Variants in CYFIP2 observed in about 807,000 individuals in gnomAD.
The protein encoded by CYFIP2 is cytoplasmic FMR1-interacting protein 2.
In CYFIP2, 29 loss-of-function variants were observed where a neutral mutation model predicts 158.7. The observed-to-expected ratio is 0.18, with a 90% CI of 0.14 to 0.25. CYFIP2 has a LOEUF of 0.25. CYFIP2 is among the 10% of genes least tolerant of loss of function. The probability of loss-of-function intolerance (pLI) is 1.00; values close to 1 mark genes in which losing one functional copy is unlikely to be tolerated. For missense variants in CYFIP2, 852 were observed against 1,639.5 expected, an observed-to-expected ratio of 0.52 and a Z score of 8.29; for synonymous variants, 585 against 617.6, an observed-to-expected ratio of 0.95 and a Z score of 0.78.
Position 157,307,868 on chromosome 5 carries a change from C to A in CYFIP2, c.900+3C>A, listed in dbSNP as rs1319394663. ...GCAAAATTGATAAATTCTTTAAGGT[C>A]AGCAACTGGGGCTGGGGCTGGGCAG... On this transcript the variant is annotated splice_donor_region_variant and intron_variant, in intron 9 of 30. Coordinates refer to ENST00000620254, the MANE Select transcript of CYFIP2 (RefSeq NM_001037333.3). 6.4e-7 allele frequency: 1 copy of A among 1,555,774 alleles called. No homozygotes were observed. Among genetic ancestry groups the A allele is most frequent in the Non-Finnish European group, 8.8e-7 (1 of 1,135,298 alleles).
chr5:157,364,998 T>TA (rs1201194551), intron 26 of CYFIP2: 2 of 152,152 alleles, frequency 1.3e-5, no homozygotes, highest in African/African-American at 4.8e-5. Flanking sequence ...TATTGAGCTT[T>TA]AAAAAGTTTT....
chr5:157,268,259 C>T (rs1257359364), intron 1 of CYFIP2, among the ~76,000 whole-genome samples: 1 of 152,234 alleles, frequency 6.6e-6, no homozygotes, highest in Admixed American at 6.5e-5. Flanking sequence ...CTGCCTTGTT[C>T]AGTCCCTGCT....
At chr5:157,288,990 A>G (rs1757613510) in intron 3 of CYFIP2, among the ~76,000 whole-genome samples, 1 of 152,200 alleles carries the variant, frequency 6.6e-6, no homozygotes, top group Non-Finnish European at 1.5e-5. Flanking sequence ...AATATATGTA[A>G]GGCATTTTCA....
At chr5:157,273,726 C>G (rs959380817) in intron 1 of CYFIP2, among the ~76,000 whole-genome samples, 1 of 152,234 alleles carries the variant, frequency 6.6e-6, no homozygotes, top group Admixed American at 6.5e-5. Flanking sequence ...CTCTTTGTAC[C>G]CCTTCTGCTT....
At chr5:157,382,556 A>T (rs1276261242) in intron 26 of CYFIP2, 34 bp from the exon 27 acceptor site, 2 of 1,611,284 alleles carry the variant, frequency 1.2e-6, no homozygotes, top group African/African-American at 2.7e-5. Context: ...TAAAATGAAA[A>T]TTGTTTTCTC....
intron 3 of CYFIP2, among the ~76,000 whole-genome samples, chr5:157,292,283 A>G (rs1293958701): frequency 1.3e-5 from 2 of 151,516 alleles, no homozygotes; most frequent in African/African-American, 4.9e-5. Context: ...GCAATGGCAC[A>G]ATCTTGGCTC....
chr5:157,321,588 A>G lies in CYFIP2; in HGVS notation c.1671+786A>G, dbSNP rs150589305. Among the ~76,000 whole-genome samples the G allele has an allele frequency of 3.7e-3, 569 of 152,322 alleles. 1 individual carries two copies. Among genetic ancestry groups the G allele is most frequent in the Middle Eastern group, 0.017 (5 of 294 alleles). ...CTGGTAATATTTTTGATGTACTGGA[A>G]AAAGCAGATGGTTCTCATTGCAAGT... On this transcript the variant is annotated intron_variant, in intron 15 of 30. Transcript: ENST00000620254.
chr5:157,317,411 G>T (rs956546010), intron 13 of CYFIP2, among the ~76,000 whole-genome samples: 2 of 152,160 alleles, frequency 1.3e-5, no homozygotes, highest in Admixed American at 6.5e-5. Context: ...CTTGTTAAGC[G>T]ATTCCTTGTG....
At chr5:157,331,921 A>G (rs983860243) in intron 20 of CYFIP2, among the ~76,000 whole-genome samples, 2 of 152,216 alleles carry the variant, frequency 1.3e-5, no homozygotes, top group Admixed American at 6.5e-5. Context: ...TGCTATCTAC[A>G]TAGCAGCTGC....
At chr5:157,306,198 T>A (rs1026427829) in intron 8 of CYFIP2, among the ~76,000 whole-genome samples, 7 of 152,234 alleles carry the variant, frequency 4.6e-5, no homozygotes, top group Admixed American at 6.5e-5. Context: ...TTGGTGCTCC[T>A]GTTTTACATG....
In CYFIP2 at chr5:157,308,759, T is replaced by A. The variant is rs189602155; in HGVS notation, c.900+894T>A. Among the ~76,000 whole-genome samples the A allele has an allele frequency of 7.7e-4, 118 of 152,312 alleles. 1 individual carries two copies. Among genetic ancestry groups the A allele is most frequent in the Admixed American group, 1.8e-3 (28 of 15,300 alleles). On this transcript the variant is annotated intron_variant, in intron 9 of 30. Transcript: ENST00000620254. Reference sequence around the variant, plus strand: ...TGGAACTTTTACTTTTCTCTAGAGTTGCCCCAGATGAAAATAGGGCTCATT... The same window carrying A: ...TGGAACTTTTACTTTTCTCTAGAGTAGCCCCAGATGAAAATAGGGCTCATT...
intron 1 of CYFIP2, among the ~76,000 whole-genome samples, chr5:157,280,030 A>G (rs1756866884): frequency 6.6e-6 from 1 of 152,228 alleles, no homozygotes; most frequent in Admixed American, 6.5e-5. Context: ...AATCCACTAC[A>G]GAAGTTGTAT....
chr5:157,293,021 TG>T (rs995354285), intron 3 of CYFIP2, among the ~76,000 whole-genome samples: 3 of 142,140 alleles, frequency 2.1e-5, no homozygotes, highest in Non-Finnish European at 1.5e-5. Context: ...TATGTATGTA[TG>T]TATGTATGTA....
At position 157,293,057 on chromosome 5, in the gene CYFIP2, T is replaced by C. The variant is rs557864549; in HGVS notation, c.208-1726T>C. 3.9e-3 allele frequency among the ~76,000 whole-genome samples: 589 copies of C among 151,846 alleles called. 3 individuals are homozygous for C. The highest frequency in any genetic ancestry group is 0.014 in the African/African-American group (559 of 41,336). On this transcript the variant is annotated intron_variant, in intron 3 of 30. Coordinates refer to ENST00000620254, the MANE Select transcript of CYFIP2 (RefSeq NM_001037333.3). The stretch of plus-strand genomic sequence containing the variant: ...ATGTATGTATGTATGTATGTATGTA[T>C]GTATGTATGTGTGTTTGAGATGGAG...
intron 10 of CYFIP2, 63 bp downstream of exon 10, chr5:157,309,897 A>G: frequency 1.4e-6 from 2 of 1,468,106 alleles, no homozygotes; most frequent in Non-Finnish European, 1.9e-6. Context: ...CAGAGAGCCG[A>G]GGGGCCACTT....
chr5:157,346,918 G>A (rs1020920740), intron 23 of CYFIP2, among the ~76,000 whole-genome samples: 3 of 152,022 alleles, frequency 2.0e-5, no homozygotes, highest in African/African-American at 7.3e-5. Context: ...TCTCATAAAG[G>A]GCCGTCTGGC....
At chr5:157,286,056 T>G (rs986176512) in intron 2 of CYFIP2, among the ~76,000 whole-genome samples, 3 of 152,208 alleles carry the variant, frequency 2.0e-5, no homozygotes, top group Non-Finnish European at 4.4e-5. Flanking sequence ...TTGAAAGTCT[T>G]AGCTGTGTTT....
intron 26 of CYFIP2, among the ~76,000 whole-genome samples, chr5:157,374,947 A>G (rs1765323787): frequency 6.6e-6 from 1 of 152,206 alleles, no homozygotes; most frequent in Non-Finnish European, 1.5e-5. Context: ...GTTCTGAAGG[A>G]GACTCATTCT....
At chr5:157,359,509 A>T (rs148834086) in intron 24 of CYFIP2, among the ~76,000 whole-genome samples, 5 of 152,322 alleles carry the variant, frequency 3.3e-5, no homozygotes, top group Middle Eastern at 6.8e-3. Flanking sequence ...TTCATGACAC[A>T]TGTGCTGCCA....
Sources: gnomAD v4.1 joint callset for allele counts (sites outside exome capture counted in the v4.1 genomes callset) on GRCh38, gnomAD v4.1.1 for gene constraint, MANE v1.5 for transcripts, NCBI Gene and HGNC (gene_info 2026-07-23, HGNC 2026-07-21) for gene names.